The following SYNJ1 variants were observed in gnomAD, a reference collection of about 807,000 sequenced individuals.
SYNJ1 encodes the protein polyphosphatidylinositol phosphatase SYNJ1.
SYNJ1 carries 78 observed loss-of-function variants against 168.2 expected under a neutral mutation model. The ratio of observed to expected loss-of-function variants is 0.46; its 90% confidence interval spans 0.39 to 0.56. The LOEUF (loss-of-function observed/expected upper bound fraction) is 0.56, where lower values mean the gene tolerates loss of function less well. Among genes scored for constraint, SYNJ1 ranks in the 20% least tolerant of loss-of-function variants. The pLI, the probability that SYNJ1 is intolerant of heterozygous loss-of-function variation, is 0.00. For missense variants in SYNJ1, 1,303 were observed against 1,597.6 expected, an observed-to-expected ratio of 0.82 and a Z score of 3.14; for synonymous variants, 539 against 548.6, an observed-to-expected ratio of 0.98 and a Z score of 0.24.
chr21:32,641,739 T>G (rs2039845821), intron 29 of SYNJ1, among the ~76,000 whole-genome samples, 157 bp downstream of exon 29: 1 of 152,176 alleles, frequency 6.6e-6, no homozygotes, highest in Admixed American at 6.5e-5. Context: ...AAAATAATGT[T>G]AGAGTCGGAA....
At chr21:32,688,509 T>C (rs1421227466) in intron 6 of SYNJ1, 142 bp from the exon 7 acceptor site, 20 of 675,202 alleles carry the variant, frequency 3.0e-5, no homozygotes, top group Non-Finnish European at 4.5e-5. Flanking sequence ...TGATATGCTT[T>C]TAAAAAAACA....
intron 9 of SYNJ1, among the ~76,000 whole-genome samples, chr21:32,684,944 C>T (rs545538314): frequency 4.6e-5 from 7 of 151,962 alleles, no homozygotes; most frequent in South Asian, 4.2e-4. Context: ...CTTTGGGAGG[C>T]GGAGGCGGGT....
At chr21:32,641,820 C>T in intron 29 of SYNJ1, 76 bp downstream of exon 29, 1 of 1,116,510 alleles carries the variant, frequency 9.0e-7, no homozygotes, top group Non-Finnish European at 1.3e-6. Context: ...ATGATTTCTC[C>T]AAGGTAACAA....
intron 2 of SYNJ1, among the ~76,000 whole-genome samples, chr21:32,705,648 C>T (rs752179984): frequency 1.1e-4 from 16 of 152,160 alleles, no homozygotes; most frequent in East Asian, 5.8e-4. Flanking sequence ...AAAGTCTTCC[C>T]GACATGCCTA....
intron 28 of SYNJ1, 31 bp from the exon 29 acceptor site, chr21:32,641,997 A>C (rs377041123): frequency 9.3e-6 from 15 of 1,612,856 alleles, no homozygotes; most frequent in Non-Finnish European, 1.2e-5. Context: ...CATATATTTA[A>C]GTTTAAAAAA....
At chr21:32,722,205 AATATATAT>A (rs1195698677) in intron 2 of SYNJ1, among the ~76,000 whole-genome samples, 2,183 of 65,664 alleles carry the variant, frequency 0.033, 45 homozygotes, top group African/African-American at 0.1. Context: ...AAAAAAAAAA[AATATATAT>A]ATATATATAT....
intron 1 of SYNJ1, among the ~76,000 whole-genome samples, chr21:32,727,539 G>A (rs1273194054): frequency 1.3e-5 from 2 of 152,022 alleles, no homozygotes; most frequent in Non-Finnish European, 2.9e-5. Flanking sequence ...GGCCACCCGG[G>A]AAGAGTCACG....
At chr21:32,706,165 T>TA in intron 2 of SYNJ1, among the ~76,000 whole-genome samples, 1 of 152,296 alleles carries the variant, frequency 6.6e-6, no homozygotes, top group African/African-American at 2.4e-5. Flanking sequence ...ATCTACAAAG[T>TA]AACTGGTTTT....
Position 32,642,092 on chromosome 21 carries a change from T to C in SYNJ1, c.3517+3A>G. The C allele has an allele frequency of 1.2e-6, 2 of 1,614,194 alleles. No homozygotes were observed. The highest frequency in any genetic ancestry group is 1.7e-6 in the Non-Finnish European group (2 of 1,180,034). On this transcript the variant is annotated splice_donor_region_variant and intron_variant, in intron 28 of 32. Coordinates refer to ENST00000674351, the MANE Select transcript of SYNJ1 (RefSeq NM_203446.3). The stretch of plus-strand genomic sequence containing the variant: ...GTGAATAGCTACATTCAAGTGTTTT[T>C]ACCTATATTATCTTTCCTTGTTGTT...
At chr21:32,674,830 T>C (rs2041340562) in intron 13 of SYNJ1, among the ~76,000 whole-genome samples, 1 of 152,184 alleles carries the variant, frequency 6.6e-6, no homozygotes, top group Admixed American at 6.5e-5. Context: ...TCTCTTATGA[T>C]ACCAAGATAT....
At chr21:32,713,348 G>A (rs550192448) in intron 2 of SYNJ1, among the ~76,000 whole-genome samples, 19 of 135,046 alleles carry the variant, frequency 1.4e-4, no homozygotes, top group African/African-American at 3.4e-4. Flanking sequence ...TTTCCCATAT[G>A]TCAACATGGA....
At chr21:32,652,112 T>TA (rs1399383265) in intron 22 of SYNJ1, among the ~76,000 whole-genome samples, 1 of 152,194 alleles carries the variant, frequency 6.6e-6, no homozygotes, top group East Asian at 1.9e-4. Flanking sequence ...TGTTTCCTGA[T>TA]ACATGATTTT....
At chr21:32,692,407 T>C (rs1424135450) in intron 6 of SYNJ1, among the ~76,000 whole-genome samples, 1 of 151,996 alleles carries the variant, frequency 6.6e-6, no homozygotes, top group African/African-American at 2.4e-5. Context: ...TGAAACCCCA[T>C]TTCTACTAAA....
At chr21:32,680,296 G>A (rs1050972655) in intron 11 of SYNJ1, among the ~76,000 whole-genome samples, 2 of 152,122 alleles carry the variant, frequency 1.3e-5, no homozygotes, top group Non-Finnish European at 2.9e-5. Flanking sequence ...AGAAGACTTG[G>A]AGACCATGAA....
intron 10 of SYNJ1, among the ~76,000 whole-genome samples, chr21:32,681,851 A>C (rs2041637589): frequency 6.6e-6 from 1 of 152,172 alleles, no homozygotes; most frequent in Admixed American, 6.5e-5. Context: ...TGGAAACTAC[A>C]AGTATTGATA....
intron 2 of SYNJ1, among the ~76,000 whole-genome samples, chr21:32,723,783 C>G (rs1375121091): frequency 6.6e-6 from 1 of 152,164 alleles, no homozygotes; most frequent in East Asian, 1.9e-4. Flanking sequence ...GAGCTGTGAT[C>G]ATGCCACTGC....
chr21:32,630,914 C>T lies in SYNJ1; in HGVS notation c.*891G>A, dbSNP rs1210599371. On this transcript the variant is annotated 3_prime_UTR_variant, in exon 33 of 33. Coordinates refer to ENST00000674351, the MANE Select transcript of SYNJ1 (RefSeq NM_203446.3). ...TCAGTGCACTTACAATGACTTATTG[C>T]ACATAATGAAATACTAATGCCCAAT... 2 of 1,335,744 alleles carry T rather than the reference C, an allele frequency of 1.5e-6. No homozygotes were observed. Among genetic ancestry groups the T allele is most frequent in the Admixed American group, 5.0e-5 (2 of 40,268 alleles). 82.7% of individuals were successfully genotyped at this position (1,335,744 alleles called of 1,614,324 possible). A position where few individuals can be genotyped will look rare whatever the true frequency, so the allele number is the denominator to read the frequency against.
intron 4 of SYNJ1, among the ~76,000 whole-genome samples, chr21:32,696,438 G>C (rs2042216608): frequency 6.6e-6 from 1 of 152,056 alleles, no homozygotes; most frequent in South Asian, 2.1e-4. Flanking sequence ...TTGCTGGGTT[G>C]GCCTTCTCAC....
chr21:32,689,351 C>T (rs2041941355), intron 6 of SYNJ1, among the ~76,000 whole-genome samples: 1 of 152,164 alleles, frequency 6.6e-6, no homozygotes, highest in Non-Finnish European at 1.5e-5. Flanking sequence ...GGCTGGAGTG[C>T]ATTGGCGTGA....
Sources: allele counts gnomAD v4.1 joint callset (sites outside exome capture counted in the v4.1 genomes callset), GRCh38; gene constraint gnomAD v4.1.1; transcripts MANE v1.5; gene names NCBI Gene and HGNC (gene_info 2026-07-23, HGNC 2026-07-21).